Variants in VWA8 observed in about 807,000 individuals in gnomAD.
VWA8 encodes von Willebrand factor A domain-containing protein 8.
In VWA8, 221 loss-of-function variants were observed where a neutral mutation model predicts 241.5. That is an observed-to-expected ratio of 0.91 (90% CI 0.82 to 1.02). The LOEUF (loss-of-function observed/expected upper bound fraction) is 1.02, where lower values mean the gene tolerates loss of function less well. Among genes scored for constraint, VWA8 ranks in the 50% least tolerant of loss-of-function variants. The pLI is 0.00. For missense variants in VWA8, 2,322 were observed against 2,328.7 expected, an observed-to-expected ratio of 1.00 and a Z score of 0.06; for synonymous variants, 852 against 827.1, an observed-to-expected ratio of 1.03 and a Z score of -0.52.
rs1368523348 is a variant in VWA8, at chr13:41,690,278, GCAAA to G, written c.3867-7_3867-4del. 13 of 1,602,000 alleles carry G rather than the reference GCAAA, an allele frequency of 8.1e-6. No individual in the cohort carries two copies. The highest frequency in any genetic ancestry group is 1.1e-5 in the Non-Finnish European group (13 of 1,174,048). ...CAGGCTTAGTTAAAAGATATTTCCT[GCAAA>G]CAAACAAAACATCTAGCTTAAGTGA... On this transcript the variant is annotated splice_polypyrimidine_tract_variant and splice_region_variant and intron_variant, in intron 32 of 44. Coordinates refer to ENST00000379310, the MANE Select transcript of VWA8 (RefSeq NM_015058.2).
chr13:41,958,660 C>A (rs1330750185), intron 1 of VWA8, among the ~76,000 whole-genome samples: 4 of 152,194 alleles, frequency 2.6e-5, no homozygotes, highest in Non-Finnish European at 5.9e-5. Flanking sequence ...AGTGTGCTGT[C>A]CATTTACCTG....
At chr13:41,595,859 T>A (rs932314594) in intron 40 of VWA8, among the ~76,000 whole-genome samples, 17 of 152,142 alleles carry the variant, frequency 1.1e-4, no homozygotes, top group Non-Finnish European at 2.2e-4. Flanking sequence ...AAATGCTGGG[T>A]CACAGAGTAT....
chr13:41,635,972 C>A (rs1200539999), intron 37 of VWA8, among the ~76,000 whole-genome samples: 4 of 152,130 alleles, frequency 2.6e-5, no homozygotes, highest in Non-Finnish European at 5.9e-5. Context: ...CCAGAATAAC[C>A]TTCGTGCCTG....
intron 21 of VWA8, among the ~76,000 whole-genome samples, chr13:41,750,885 A>AT (rs540816913): frequency 3.5e-4 from 41 of 115,868 alleles, no homozygotes; most frequent in African/African-American, 3.5e-4. Flanking sequence ...AACATATTTG[A>AT]TAAAAAAAAA....
intron 42 of VWA8, among the ~76,000 whole-genome samples, chr13:41,581,821 T>C (rs2044385019): frequency 6.6e-6 from 1 of 152,066 alleles, no homozygotes; most frequent in Admixed American, 6.6e-5. Flanking sequence ...TGAAAAAAAA[T>C]TAAGCCATTA....
In VWA8 at chr13:41,736,848, T is replaced by C. The variant is rs1414544173; in HGVS notation, c.2427-4693A>G. ...TTGCTCGATATTTTTTCTTTTCTTT[T>C]TTTTTTTTTTTTTTTGACAGAGTCT... On this transcript the variant is annotated intron_variant, in intron 21 of 44. Coordinates refer to ENST00000379310, the MANE Select transcript of VWA8 (RefSeq NM_015058.2). 3.5e-5 allele frequency among the ~76,000 whole-genome samples: 5 copies of C among 141,580 alleles called. No homozygotes were observed. In the South Asian group the frequency reaches 6.5e-4, roughly 18 times the overall value. 92.9% of individuals were successfully genotyped at this position (141,580 alleles called of 152,430 possible).
At chr13:41,618,225 T>C (rs1191298679) in intron 37 of VWA8, among the ~76,000 whole-genome samples, 2 of 152,214 alleles carry the variant, frequency 1.3e-5, no homozygotes, top group African/African-American at 4.8e-5. Context: ...TCTCTGATGA[T>C]CAGTGATGAT....
chr13:41,736,736 C>T (rs1000387173), intron 21 of VWA8, among the ~76,000 whole-genome samples: 1 of 151,660 alleles, frequency 6.6e-6, no homozygotes, highest in Non-Finnish European at 1.5e-5. Flanking sequence ...AACAGAAATG[C>T]CTATAGGAAT....
chr13:41,742,057 T>C (rs956580823), intron 21 of VWA8, among the ~76,000 whole-genome samples: 5 of 152,206 alleles, frequency 3.3e-5, no homozygotes, highest in Non-Finnish European at 5.9e-5. Flanking sequence ...TACACTTAGT[T>C]ATCCAGCATG....
chr13:41,639,755 G>A (rs1297428857), intron 37 of VWA8, among the ~76,000 whole-genome samples: 1 of 152,142 alleles, frequency 6.6e-6, no homozygotes, highest in African/African-American at 2.4e-5. Flanking sequence ...GATAGACGAT[G>A]GAGCCTACTT....
chr13:41,574,174 T>TTAA (rs554745893), intron 43 of VWA8, among the ~76,000 whole-genome samples: 1 of 137,242 alleles, frequency 7.3e-6, no homozygotes, highest in African/African-American at 2.7e-5. Context: ...AAGTTTTCTG[T>TTAA]AAAAAAAAAA....
At chr13:41,893,201 T>C (rs947930805) in intron 4 of VWA8, among the ~76,000 whole-genome samples, 2 of 152,220 alleles carry the variant, frequency 1.3e-5, no homozygotes, top group Admixed American at 6.5e-5. Flanking sequence ...TTTCCAAGTG[T>C]AGAAAAGAGG....
At chr13:41,607,722 G>C (rs138015138) in intron 39 of VWA8, among the ~76,000 whole-genome samples, 81 of 152,252 alleles carry the variant, frequency 5.3e-4, no homozygotes, top group African/African-American at 1.9e-3. Flanking sequence ...TAAAACCCAA[G>C]AGAGGTCACC....
intron 40 of VWA8, among the ~76,000 whole-genome samples, chr13:41,602,648 C>A (rs570868844): frequency 3.3e-5 from 5 of 152,240 alleles, no homozygotes; most frequent in South Asian, 4.2e-4. Context: ...ATGAAGGTAA[C>A]AATGAAGTGA....
chr13:41,903,492 C>G (rs999836402), intron 4 of VWA8, among the ~76,000 whole-genome samples: 1 of 151,990 alleles, frequency 6.6e-6, no homozygotes, highest in Non-Finnish European at 1.5e-5. Context: ...ATATCATGTA[C>G]GATGACAGCC....
At chr13:41,781,246 T>G (rs1357467097) in intron 19 of VWA8, among the ~76,000 whole-genome samples, 1 of 152,140 alleles carries the variant, frequency 6.6e-6, no homozygotes, top group Non-Finnish European at 1.5e-5. Flanking sequence ...CCTCTTCTCT[T>G]GGCACTCTTC....
At chr13:41,957,310 C>T (rs1878393368) in intron 1 of VWA8, among the ~76,000 whole-genome samples, 1 of 152,180 alleles carries the variant, frequency 6.6e-6, no homozygotes, top group South Asian at 2.1e-4. Flanking sequence ...CTCTTACTTG[C>T]CGCTATGTAA....
chr13:41,681,396 T>C (rs1356342986), intron 35 of VWA8, among the ~76,000 whole-genome samples: 1 of 152,142 alleles, frequency 6.6e-6, no homozygotes, highest in Non-Finnish European at 1.5e-5. Context: ...AATGATTTTT[T>C]TCTTTAGCAA....
chr13:41,719,701 C>A lies in VWA8; in HGVS notation c.3006G>T (p.Val1002=). The A allele has an allele frequency of 6.2e-7, 1 of 1,612,988 alleles. No homozygotes were observed. Among genetic ancestry groups the A allele is most frequent in the South Asian group, 1.1e-5 (1 of 91,044 alleles). ...CATTGTTGTAGGAATCAAAGTCAAACACATTTCGAACTACACTGGAGAGAC... is the reference window on the plus strand; with the variant it reads ...CATTGTTGTAGGAATCAAAGTCAAAAACATTTCGAACTACACTGGAGAGAC... ...TEGLSSVVRN[V]FDFDSYNNDM... Residue 1002 remains valine (V), a synonymous_variant, in exon 26 of 45, where the codon GTG becomes GTT. Coordinates refer to ENST00000379310, the MANE Select transcript of VWA8 (RefSeq NM_015058.2).
Sources: allele counts gnomAD v4.1 joint callset (sites outside exome capture counted in the v4.1 genomes callset), GRCh38; gene constraint gnomAD v4.1.1; transcripts MANE v1.5; gene names NCBI Gene and HGNC (gene_info 2026-07-23, HGNC 2026-07-21).